The following NKX1-2 variants were observed in gnomAD, a reference collection of about 807,000 sequenced individuals.
The protein encoded by NKX1-2 is NK1 transcription factor-related protein 2.
Under a neutral mutation model 4.4 loss-of-function variants are expected in NKX1-2, and 1 was observed. The observed-to-expected ratio is 0.23, with a 90% CI of 0.08 to 1.08. The LOEUF is 1.08. NKX1-2 is among the 50% of genes least tolerant of loss of function. The pLI, the probability that NKX1-2 is intolerant of heterozygous loss-of-function variation, is 0.55. For synonymous variants in NKX1-2, 235 were observed against 228.0 expected (o/e 1.03, Z -0.28); for missense variants, 503 against 464.6 (o/e 1.08, Z -0.76).
chr10:124,448,041 A>G lies in NKX1-2; in HGVS notation c.321T>C (p.Ala107=). 2.0e-6 allele frequency: 3 copies of G among 1,518,376 alleles called. No individual in the cohort carries two copies. The highest frequency in any genetic ancestry group is 2.8e-5 in the African/African-American group (2 of 70,488). The allele number at this position is 1,518,376 out of a possible 1,614,324, so 94.1% of individuals were successfully genotyped here. Residue 107 remains alanine, a synonymous_variant, in exon 2 of 2, where the codon GCT becomes GCC. Coordinates refer to ENST00000451024, the MANE Select transcript of NKX1-2 (RefSeq NM_001146340.3). This position sits in a 1 kb window ranked among gnomAD's most constrained non-coding sequence, Gnocchi z 4.1. ...DPRRPRLRER[A]ARLLPGLARS... ...GCGCTAGGCCCGGCAGCAAGCGCGC[A>G]GCCCGCTCCCGCAGCCGCGGCCTCC...
chr10:124,448,233 C>G lies in NKX1-2; in HGVS notation c.215-86G>C, dbSNP rs575574415. Reference sequence around the variant, plus strand: ...CTCCCTAGAGCAAGCAGCTGTCCCCCCAACCCAACTCTGGGTGCTGCTCCT... The same window carrying G: ...CTCCCTAGAGCAAGCAGCTGTCCCCGCAACCCAACTCTGGGTGCTGCTCCT... On this transcript the variant is annotated intron_variant, in intron 1 of 1. Transcript: ENST00000451024. The surrounding 1 kb of genome is among the most constrained non-coding windows in gnomAD (Gnocchi z 4.1). The G allele has an allele frequency of 2.2e-6, 3 of 1,349,202 alleles. No homozygotes were observed. The highest frequency in any genetic ancestry group is 7.5e-5 in the Admixed American group (2 of 26,646). The allele number at this position is 1,349,202 out of a possible 1,614,324, so 83.6% of individuals were successfully genotyped here. A position where few individuals can be genotyped will look rare whatever the true frequency, so the allele number is the denominator to read the frequency against.
rs987370685 is a variant in NKX1-2 at position 124,449,980 on chromosome 10, G to T, written c.-37C>A. The T allele has an allele frequency of 5.5e-6, 8 of 1,463,180 alleles. No homozygotes were observed. The African/African-American group carries it at 5.6e-5, about 10-fold the overall frequency. The allele number at this position is 1,463,180 out of a possible 1,614,324, so 90.6% of individuals were successfully genotyped here. On this transcript the variant is annotated 5_prime_UTR_variant, in exon 1 of 2. Transcript: ENST00000451024. This position sits in a 1 kb window ranked among gnomAD's most constrained non-coding sequence, Gnocchi z 7.5. Reference sequence around the variant, plus strand: ...ACGGGCCGGCGGTCGGCGGCGCGGGGTTGGGGATGGCGCCGCTCGGGCTTG... The same window carrying T: ...ACGGGCCGGCGGTCGGCGGCGCGGGTTTGGGGATGGCGCCGCTCGGGCTTG...
chr10:124,447,806 G>A lies in NKX1-2; in HGVS notation c.556C>T (p.Arg186Cys). The change falls in exon 2 of 2, where the codon CGC becomes TGC. Residue 186 changes from arginine to cysteine, a missense_variant. Coordinates refer to ENST00000451024, the MANE Select transcript of NKX1-2 (RefSeq NM_001146340.3). ...AGGCGCTCGCACACTGACAGGTAGCGCGTGGCCCGGAACTTGTTCTCCAAG... is the reference window on the plus strand; with the variant it reads ...AGGCGCTCGCACACTGACAGGTAGCACGTGGCCCGGAACTTGTTCTCCAAG... ...VALENKFRAT[R>C]YLSVCERLNL... is the part of the protein sequence containing the mutation. The A allele has an allele frequency of 6.8e-7, 1 of 1,480,996 alleles. No homozygotes were observed. The allele number at this position is 1,480,996 out of a possible 1,614,324, so 91.7% of individuals were successfully genotyped here.
rs1952252905 is a variant in NKX1-2 at position 124,447,615 on chromosome 10, C to G, written c.747G>C (p.Ser249=). The G allele has an allele frequency of 1.7e-5, 22 of 1,279,516 alleles. No individual in the cohort carries two copies. The highest frequency in any genetic ancestry group is 2.2e-5 in the Non-Finnish European group (22 of 1,015,230). 79.3% of individuals were successfully genotyped at this position (1,279,516 alleles called of 1,614,324 possible). A position where few individuals can be genotyped will look rare whatever the true frequency, so the allele number is the denominator to read the frequency against. ...GAAGGGGGGG[S]GGSPGPPGTG... ...TGCCGGGAGGGCCAGGACTGCCCCC[C>G]GAGCCGCCGCCGCCGCCGCCCCCCG... is the stretch of plus-strand genomic sequence containing the variant. Residue 249 remains serine (S), a synonymous_variant, in exon 2 of 2, where the codon TCG becomes TCC. Coordinates refer to ENST00000451024, the MANE Select transcript of NKX1-2 (RefSeq NM_001146340.3).
Position 124,448,399 on chromosome 10 carries a change from G to T in NKX1-2, c.215-252C>A. On this transcript the variant is annotated intron_variant, in intron 1 of 1. Coordinates refer to ENST00000451024, the MANE Select transcript of NKX1-2 (RefSeq NM_001146340.3). This position sits in a 1 kb window ranked among gnomAD's most constrained non-coding sequence, Gnocchi z 4.1. ...ACGCCAAATGAATGAATGACACCCC[G>T]CATTAAGAAAAAATAGTGACATTAT... 7.0e-6 allele frequency: 3 copies of T among 427,790 alleles called. No homozygotes were observed. Among genetic ancestry groups the T allele is most frequent in the African/African-American group, 2.0e-5 (1 of 49,164 alleles). 26.5% of individuals were successfully genotyped at this position (427,790 alleles called of 1,614,324 possible).
chr10:124,447,584 C>T lies in NKX1-2; in HGVS notation c.778G>A (p.Ala260Thr), dbSNP rs368256595. The change falls in exon 2 of 2, where the codon GCT (alanine) becomes ACT (threonine). Residue 260 changes from alanine to threonine, a missense_variant. Ala to Thr is a moderately conservative substitution (Grantham distance 58). Coordinates refer to ENST00000451024, the MANE Select transcript of NKX1-2 (RefSeq NM_001146340.3). The part of the protein sequence containing the change: ...GGSPGPPGTG[A>T]LHFQTFPSYS... ...GAGGGGAAAGTCTGGAAGTGCAGAGCGCCGGTGCCGGGAGGGCCAGGACTG... is the reference window on the plus strand; with the variant it reads ...GAGGGGAAAGTCTGGAAGTGCAGAGTGCCGGTGCCGGGAGGGCCAGGACTG... 8.7e-6 allele frequency: 11 copies of T among 1,271,178 alleles called. No homozygotes were observed. In the African/African-American group the frequency reaches 1.5e-4, roughly 18 times the overall value. 78.7% of individuals were successfully genotyped at this position (1,271,178 alleles called of 1,614,324 possible). A position where few individuals can be genotyped will look rare whatever the true frequency, so the allele number is the denominator to read the frequency against.
rs575574415 is a variant in NKX1-2 at position 124,448,233 on chromosome 10, C to T, written c.215-86G>A. ...CTCCCTAGAGCAAGCAGCTGTCCCC[C>T]CAACCCAACTCTGGGTGCTGCTCCT... On this transcript the variant is annotated intron_variant, in intron 1 of 1. Coordinates refer to ENST00000451024, the MANE Select transcript of NKX1-2 (RefSeq NM_001146340.3). The surrounding 1 kb of genome is among the most constrained non-coding windows in gnomAD (Gnocchi z 4.1). 2.2e-6 allele frequency: 3 copies of T among 1,349,320 alleles called. No individual in the cohort carries two copies. The highest frequency in any genetic ancestry group is 3.8e-5 in the Admixed American group (1 of 26,666). 83.6% of individuals were successfully genotyped at this position (1,349,320 alleles called of 1,614,324 possible).
Position 124,447,130 on chromosome 10 carries a change from T to G in NKX1-2, c.*299A>C. 3.7e-6 allele frequency: 1 copy of G among 272,260 alleles called. No individual in the cohort carries two copies. The highest frequency in any genetic ancestry group is 6.8e-6 in the Non-Finnish European group (1 of 146,056). The allele number at this position is 272,260 out of a possible 1,614,324, so 16.9% of individuals were successfully genotyped here. A position where few individuals can be genotyped will look rare whatever the true frequency, so the allele number is the denominator to read the frequency against. On this transcript the variant is annotated 3_prime_UTR_variant, in exon 2 of 2. Coordinates refer to ENST00000451024, the MANE Select transcript of NKX1-2 (RefSeq NM_001146340.3). ...CTGTATTTCCCTCCTGGCATCTTGG[T>G]TAGCCCCGCGCCGAACACCCAGACC...
Position 124,446,089 on chromosome 10 carries a change from T to C in NKX1-2, c.*1340A>G, listed in dbSNP as rs1952234715. On this transcript the variant is annotated 3_prime_UTR_variant, in exon 2 of 2. Transcript: ENST00000451024. ...CATACATGACACAACTGGGGACCTCTGGGTTTCTGAGACGTGGGCTACAAG... is the reference window on the plus strand; with the variant it reads ...CATACATGACACAACTGGGGACCTCCGGGTTTCTGAGACGTGGGCTACAAG... The C allele has an allele frequency of 1.3e-5, 2 of 152,182 alleles. No individual in the cohort carries two copies. The highest frequency in any genetic ancestry group is 2.9e-5 in the Non-Finnish European group (2 of 68,042). The allele number at this position is 152,182 out of a possible 1,614,324, so 9.4% of individuals were successfully genotyped here. A position where few individuals can be genotyped will look rare whatever the true frequency, so the allele number is the denominator to read the frequency against.
chr10:124,449,848 G>A lies in NKX1-2; in HGVS notation c.96C>T (p.Thr32=). The change falls in exon 1 of 2, where the codon ACC becomes ACT. Residue 32 remains threonine, a synonymous_variant. Coordinates refer to ENST00000451024, the MANE Select transcript of NKX1-2 (RefSeq NM_001146340.3). The surrounding 1 kb of genome is among the most constrained non-coding windows in gnomAD (Gnocchi z 7.5). ...VLDILDPQKF[T]RAALPAVRPA... ...GGCGCACGGCAGGGAGCGCTGCGCG[G>A]GTGAATTTCTGTGGGTCCAGGATGT... 1 of 1,551,664 alleles carries A rather than the reference G, an allele frequency of 6.4e-7. No homozygotes were observed. Among genetic ancestry groups the A allele is most frequent in the East Asian group, 2.4e-5 (1 of 40,900 alleles).
At position 124,446,288 on chromosome 10, in the gene NKX1-2, A is replaced by G. The variant is rs1232962985; in HGVS notation, c.*1141T>C. The G allele has an allele frequency of 1.3e-5, 2 of 152,204 alleles. No homozygotes were observed. Among genetic ancestry groups the G allele is most frequent in the Non-Finnish European group, 2.9e-5 (2 of 68,038 alleles). The allele number at this position is 152,204 out of a possible 1,614,324, so 9.4% of individuals were successfully genotyped here. A position where few individuals can be genotyped will look rare whatever the true frequency, so the allele number is the denominator to read the frequency against. The stretch of plus-strand genomic sequence containing the variant: ...ATATGACGGCTCTTCACACCCAAGT[A>G]TTGCTTTCATGGGCCCTTACAATCT... On this transcript the variant is annotated 3_prime_UTR_variant, in exon 2 of 2. Coordinates refer to ENST00000451024, the MANE Select transcript of NKX1-2 (RefSeq NM_001146340.3).
Position 124,449,279 on chromosome 10 carries a change from G to A in NKX1-2, c.214+451C>T, listed in dbSNP as rs1404257928. ...GACCTCGCTACTCACGAAGACCCCC[G>A]GCGCAAGCCTTAGCGTCAGCTCCCC... is the stretch of plus-strand genomic sequence containing the variant. On this transcript the variant is annotated intron_variant, in intron 1 of 1. Transcript: ENST00000451024. The surrounding 1 kb of genome is among the most constrained non-coding windows in gnomAD (Gnocchi z 7.5). 1.3e-5 allele frequency among the ~76,000 whole-genome samples: 2 copies of A among 152,280 alleles called. No homozygotes were observed. Among genetic ancestry groups the A allele is most frequent in the African/African-American group, 4.8e-5 (2 of 41,562 alleles).
Position 124,448,038 on chromosome 10 carries a change from C to T in NKX1-2, c.324G>A (p.Ala108=), listed in dbSNP as rs1564753562. The T allele has an allele frequency of 6.6e-7, 1 of 1,518,108 alleles. No homozygotes were observed. The highest frequency in any genetic ancestry group is 1.9e-4 in the Middle Eastern group (1 of 5,246). The allele number at this position is 1,518,108 out of a possible 1,614,324, so 94.0% of individuals were successfully genotyped here. ...PRRPRLRERA[A]RLLPGLARSP... is the part of the protein sequence containing the mutation. ...AGCGCGCTAGGCCCGGCAGCAAGCG[C>T]GCAGCCCGCTCCCGCAGCCGCGGCC... Residue 108 remains alanine (A), a synonymous_variant, in exon 2 of 2, where the codon GCG becomes GCA. Transcript: ENST00000451024. This position sits in a 1 kb window ranked among gnomAD's most constrained non-coding sequence, Gnocchi z 4.1.
rs902718702 is a variant in NKX1-2, at chr10:124,447,873, C to T, written c.489G>A (p.Pro163=). The T allele has an allele frequency of 3.4e-5, 49 of 1,442,492 alleles. No individual in the cohort carries two copies. The African/African-American group carries it at 6.6e-4, about 19-fold the overall frequency. The allele number at this position is 1,442,492 out of a possible 1,614,324, so 89.4% of individuals were successfully genotyped here. The stretch of plus-strand genomic sequence containing the variant: ...AGGTGAAGGCGGTGCGCGCGCGCCG[C>T]GGCTTGGCGCAGTTGGGCTCCAGGC... The part of the protein sequence containing the change: ...RRRLEPNCAK[P]RRARTAFTYE... The change falls in exon 2 of 2, where the codon CCG becomes CCA. Residue 163 remains proline (P), a synonymous_variant. Transcript: ENST00000451024.
chr10:124,449,669 C>T lies in NKX1-2; in HGVS notation c.214+61G>A. On this transcript the variant is annotated intron_variant, in intron 1 of 1. Coordinates refer to ENST00000451024, the MANE Select transcript of NKX1-2 (RefSeq NM_001146340.3). The surrounding 1 kb of genome is among the most constrained non-coding windows in gnomAD (Gnocchi z 7.5). Reference sequence around the variant, plus strand: ...CCACTCACCGGGCCCGGCTGTTCCCCCATACACTCCGCATTGTTGGGGCTG... The same window carrying T: ...CCACTCACCGGGCCCGGCTGTTCCCTCATACACTCCGCATTGTTGGGGCTG... 2 of 1,255,204 alleles carry T rather than the reference C, an allele frequency of 1.6e-6. No individual in the cohort carries two copies. The highest frequency in any genetic ancestry group is 2.3e-6 in the Non-Finnish European group (2 of 881,458). The allele number at this position is 1,255,204 out of a possible 1,614,324, so 77.8% of individuals were successfully genotyped here.
Position 124,449,813 on chromosome 10 carries a change from C to G in NKX1-2, c.131G>C (p.Arg44Pro). ...AALPAVRPAPREARKSLAEVE... is the reference protein window; with the variant it reads ...AALPAVRPAPPEARKSLAEVE... ...CTCCGCCAAACTTTTCCTGGCTTCC[C>G]GGGGAGCCGGGCGCACGGCAGGGAG... The change falls in exon 1 of 2, where the codon CGG becomes CCG. Residue 44 changes from arginine to proline, a missense_variant. Coordinates refer to ENST00000451024, the MANE Select transcript of NKX1-2 (RefSeq NM_001146340.3). The surrounding 1 kb of genome is among the most constrained non-coding windows in gnomAD (Gnocchi z 7.5). 2 of 1,551,670 alleles carry G rather than the reference C, an allele frequency of 1.3e-6. No individual in the cohort carries two copies. The highest frequency in any genetic ancestry group is 1.7e-6 in the Non-Finnish European group (2 of 1,146,970).
rs1445803981 is a variant in NKX1-2 at position 124,449,663 on chromosome 10, G to C, written c.214+67C>G. On this transcript the variant is annotated intron_variant, in intron 1 of 1. Coordinates refer to ENST00000451024, the MANE Select transcript of NKX1-2 (RefSeq NM_001146340.3). This position sits in a 1 kb window ranked among gnomAD's most constrained non-coding sequence, Gnocchi z 7.5. Reference sequence around the variant, plus strand: ...TAAGGGCCACTCACCGGGCCCGGCTGTTCCCCCATACACTCCGCATTGTTG... The same window carrying C: ...TAAGGGCCACTCACCGGGCCCGGCTCTTCCCCCATACACTCCGCATTGTTG... 8.3e-7 allele frequency: 1 copy of C among 1,206,228 alleles called. No homozygotes were observed. Among genetic ancestry groups the C allele is most frequent in the Non-Finnish European group, 1.2e-6 (1 of 838,300 alleles). The allele number at this position is 1,206,228 out of a possible 1,614,324, so 74.7% of individuals were successfully genotyped here.
chr10:124,449,815 G>A lies in NKX1-2; in HGVS notation c.129C>T (p.Pro43=). 1 of 1,551,698 alleles carries A rather than the reference G, an allele frequency of 6.4e-7. No homozygotes were observed. The highest frequency in any genetic ancestry group is 8.7e-7 in the Non-Finnish European group (1 of 1,146,972). The change falls in exon 1 of 2, where the codon CCC becomes CCT. Residue 43 remains proline, a synonymous_variant. Coordinates refer to ENST00000451024, the MANE Select transcript of NKX1-2 (RefSeq NM_001146340.3). The surrounding 1 kb of genome is among the most constrained non-coding windows in gnomAD (Gnocchi z 7.5). ...CCGCCAAACTTTTCCTGGCTTCCCG[G>A]GGAGCCGGGCGCACGGCAGGGAGCG... ...RAALPAVRPA[P]REARKSLAEV...
chr10:124,449,731 A>T lies in NKX1-2; in HGVS notation c.213T>A (p.Pro71=). 1 of 1,549,848 alleles carries T rather than the reference A, an allele frequency of 6.5e-7. No homozygotes were observed. Among genetic ancestry groups the T allele is most frequent in the African/African-American group, 1.4e-5 (1 of 73,130 alleles). Residue 71 remains proline (P), a splice_region_variant and synonymous_variant, in exon 1 of 2, where the codon CCT becomes CCA. Transcript: ENST00000451024. This position sits in a 1 kb window ranked among gnomAD's most constrained non-coding sequence, Gnocchi z 7.5. ...GGCCGGGGCCGCCTTGCATCTTACC[A>T]GGGGTCTCCAGCTGTCGGACAGGGT... ...SRDPVRQLET[P]DAAGPGAGQA...
Sources: allele counts gnomAD v4.1 joint callset (sites outside exome capture counted in the v4.1 genomes callset), GRCh38; gene constraint gnomAD v4.1.1; non-coding constraint Gnocchi (gnomAD v3.1); transcripts MANE v1.5; gene names NCBI Gene and HGNC (gene_info 2026-07-23, HGNC 2026-07-21).